The following TTC23L variants were observed in gnomAD, a reference collection of about 807,000 sequenced individuals.
The protein encoded by TTC23L is tetratricopeptide repeat protein 23-like.
A neutral mutation model predicts 48.1 loss-of-function variants in TTC23L; 42 were observed. The ratio of observed to expected loss-of-function variants is 0.87; its 90% confidence interval spans 0.68 to 1.13. TTC23L has a LOEUF of 1.13. TTC23L is among the 50% of genes most tolerant of loss of function. TTC23L has a pLI of 0.00. For missense variants in TTC23L, 391 were observed against 421.0 expected (o/e 0.93, Z 0.62); for synonymous variants, 159 against 157.2 (o/e 1.01, Z -0.09).
the TTC23L span, chr5:34,916,594 A>G: frequency 6.6e-6 from 1 of 152,258 alleles, no homozygotes; most frequent in African/African-American, 2.4e-5. Flanking sequence ...AAAGAAGTGC[A>G]CACAAGTTGT....
At chr5:34,853,595 G>A (rs338295) in intron 4 of TTC23L, among the ~76,000 whole-genome samples, 14,607 of 152,094 alleles carry the variant, frequency 0.096, 1,195 homozygotes, top group African/African-American at 0.22. Flanking sequence ...CTTTAAGAAT[G>A]GGTAGGGTAA....
the TTC23L span, chr5:34,911,929 T>C: frequency 7.5e-6 from 9 of 1,195,284 alleles, no homozygotes; most frequent in Non-Finnish European, 9.5e-6. Flanking sequence ...TTCTCACATA[T>C]ATGTATCTCC....
intron 9 of TTC23L, among the ~76,000 whole-genome samples, chr5:34,887,807 G>A (rs1762630127): frequency 6.6e-6 from 1 of 152,146 alleles, no homozygotes; most frequent in South Asian, 2.1e-4. Flanking sequence ...TGGAATAGAA[G>A]CTGTAATCAG....
rs1760932051 is a variant in TTC23L, at chr5:34,864,786, G to A, written c.662+224G>A. Among the ~76,000 whole-genome samples, 4 of 152,286 alleles carry A rather than the reference G, an allele frequency of 2.6e-5. No homozygotes were observed. The South Asian group carries it at 8.3e-4, about 32-fold the overall frequency. Reference sequence around the variant, plus strand: ...GTATGATTATTATTTTATTAAAGGGGGGTGGTCAAGGAGACTGAAGCTGAG... The same window carrying A: ...GTATGATTATTATTTTATTAAAGGGAGGTGGTCAAGGAGACTGAAGCTGAG... On this transcript the variant is annotated intron_variant, in intron 6 of 10. Coordinates refer to ENST00000505624, the Ensembl canonical transcript of TTC23L.
intron 9 of TTC23L, among the ~76,000 whole-genome samples, chr5:34,889,957 G>GC (rs1762764759): frequency 6.6e-6 from 1 of 151,886 alleles, no homozygotes; most frequent in South Asian, 2.1e-4. Flanking sequence ...TCCTGCCTCA[G>GC]CCTCCCGAGT....
the TTC23L span, chr5:34,916,019 GT>G: frequency 8.3e-7 from 1 of 1,208,104 alleles, no homozygotes; most frequent in Non-Finnish European, 1.1e-6. Flanking sequence ...CGGTAGGTCG[GT>G]TTTAGCAATT....
At chr5:34,914,873 T>C in the TTC23L span, 3 of 1,614,144 alleles carry the variant, frequency 1.9e-6, no homozygotes, top group Non-Finnish European at 2.5e-6. Context: ...GTCTTGGATC[T>C]GTTGGGTCAG....
chr5:34,845,318 A>C (rs114023140), intron 2 of TTC23L, among the ~76,000 whole-genome samples, 169 bp from the exon 3 acceptor site: 2,737 of 152,346 alleles, frequency 0.018, 44 homozygotes, highest in Non-Finnish European at 0.028. Context: ...TGCTGTCTTA[A>C]TGCTAGGCTT....
At chr5:34,903,394 T>C (rs168205), downstream of TTC23L, among the ~76,000 whole-genome samples, 150,191 of 152,236 alleles carry the variant, frequency 0.99, 74,265 homozygotes, top group Middle Eastern at 1. Context: ...ACCCCCTACC[T>C]GCACACATGC....
the TTC23L span, chr5:34,922,901 A>G: frequency 8.2e-7 from 1 of 1,226,736 alleles, no homozygotes; most frequent in Non-Finnish European, 1.2e-6. Context: ...TTTCAGGTAC[A>G]TTTATAATGA....
intron 2 of TTC23L, among the ~76,000 whole-genome samples, chr5:34,844,865 T>C (rs1334133810): frequency 6.6e-6 from 1 of 152,238 alleles, no homozygotes; most frequent in Admixed American, 6.5e-5. Context: ...TCCCTCCCTG[T>C]CTCTGGTGGG....
At chr5:34,916,188 T>G in the TTC23L span, 27 of 271,394 alleles carry the variant, frequency 9.9e-5, no homozygotes, top group Admixed American at 4.1e-4. Flanking sequence ...TTCAGTTGTT[T>G]TTTTTTTTTA....
downstream of TTC23L, among the ~76,000 whole-genome samples, chr5:34,904,062 C>T (rs1763572823): frequency 6.6e-6 from 1 of 151,806 alleles, no homozygotes; most frequent in Admixed American, 6.6e-5. Context: ...AACTCCTGGG[C>T]TCAAGCAATC....
intron 9 of TTC23L, among the ~76,000 whole-genome samples, chr5:34,894,745 T>A (rs980914262): frequency 6.6e-6 from 1 of 152,224 alleles, no homozygotes; most frequent in African/African-American, 2.4e-5. Context: ...CTCAGTTTCC[T>A]CATCCATAAA....
intron 9 of TTC23L, among the ~76,000 whole-genome samples, chr5:34,890,169 G>A (rs1311539390): frequency 6.6e-6 from 1 of 151,036 alleles, no homozygotes; most frequent in Non-Finnish European, 1.5e-5. Flanking sequence ...TCTTGGCTGG[G>A]CATGATGGCT....
chr5:34,897,323 G>A (rs1763290394), intron 10 of TTC23L, among the ~76,000 whole-genome samples: 1 of 151,984 alleles, frequency 6.6e-6, no homozygotes, highest in Non-Finnish European at 1.5e-5. Context: ...GGTGGAGGTT[G>A]CAGTGAGCCG....
chr5:34,894,460 T>C (rs1763077375), intron 9 of TTC23L, among the ~76,000 whole-genome samples: 1 of 152,188 alleles, frequency 6.6e-6, no homozygotes, highest in African/African-American at 2.4e-5. Context: ...AACTCATAAG[T>C]ATATGTAAAT....
At position 34,863,090 on chromosome 5, in the gene TTC23L, G is replaced by A. The variant is rs1444174664; in HGVS notation, c.536+36G>A. 1 of 1,611,256 alleles carries A rather than the reference G, an allele frequency of 6.2e-7. No individual in the cohort carries two copies. ...ATTCCTAGCTGCGTTTAGTGTTCGG[G>A]GCCACAGGCCACACATGCCAGATGG... On this transcript the variant is annotated intron_variant, in intron 5 of 10. Coordinates refer to ENST00000505624, the Ensembl canonical transcript of TTC23L. The surrounding 1 kb of genome is among the most constrained non-coding windows in gnomAD (Gnocchi z 4.1).
chr5:34,841,521 G>T (rs916679776), intron 2 of TTC23L, among the ~76,000 whole-genome samples: 1 of 152,096 alleles, frequency 6.6e-6, no homozygotes. Context: ...TTCTTGTTTT[G>T]TTTTGTTTCG....
Sources: gnomAD v4.1 joint callset for allele counts (sites outside exome capture counted in the v4.1 genomes callset) on GRCh38, gnomAD v4.1.1 for gene constraint, Gnocchi (gnomAD v3.1) non-coding constraint, MANE v1.5 for transcripts, NCBI Gene and HGNC (gene_info 2026-07-23, HGNC 2026-07-21) for gene names.